PDE10A: variants seen among roughly 807,000 people sequenced by gnomAD.
The protein encoded by PDE10A is cAMP and cAMP-inhibited cGMP 3',5'-cyclic phosphodiesterase 10A.
Under a neutral mutation model 97.7 loss-of-function variants are expected in PDE10A, and 39 were observed. That is an observed-to-expected ratio of 0.40 (90% confidence interval 0.31 to 0.52). PDE10A has a LOEUF of 0.52. Ranked by LOEUF, PDE10A falls within the 20% of genes least tolerant of loss-of-function variation. The probability of loss-of-function intolerance (pLI) is 0.56; values close to 1 mark genes in which losing one functional copy is unlikely to be tolerated. For missense variants in PDE10A, 731 were observed against 1,047.8 expected (o/e 0.70, Z 4.17); for synonymous variants, 371 against 376.8 (o/e 0.98, Z 0.18).
At chr6:165,681,304 T>C (rs1790971285) in intron 1 of PDE10A, among the ~76,000 whole-genome samples, 1 of 152,240 alleles carries the variant, frequency 6.6e-6, no homozygotes, top group South Asian at 2.1e-4. Context: ...TAGTTTCGTA[T>C]GGCTATAGAA....
At chr6:165,636,190 G>C (rs1437862658) in intron 1 of PDE10A, among the ~76,000 whole-genome samples, 1 of 152,112 alleles carries the variant, frequency 6.6e-6, no homozygotes, top group East Asian at 1.9e-4. Flanking sequence ...CTATTCCTGG[G>C]TTAGGGTAAA....
intron 1 of PDE10A, among the ~76,000 whole-genome samples, chr6:165,811,579 G>C (rs1428551430): frequency 6.6e-6 from 1 of 152,104 alleles, no homozygotes; most frequent in Non-Finnish European, 1.5e-5. Context: ...TTCCCGTCTG[G>C]GTCCTGTTGG....
At chr6:165,927,853 T>C (rs1350654756) in intron 1 of PDE10A, among the ~76,000 whole-genome samples, 3 of 149,702 alleles carry the variant, frequency 2.0e-5, no homozygotes, top group South Asian at 2.1e-4. Flanking sequence ...TGCGCCACCA[T>C]GCCCAGCTAA....
At chr6:165,474,989 C>T (rs1562501455) in intron 3 of PDE10A, among the ~76,000 whole-genome samples, 1 of 152,164 alleles carries the variant, frequency 6.6e-6, no homozygotes, top group Non-Finnish European at 1.5e-5. Flanking sequence ...TTAAGCTCTA[C>T]ACATGCACCC....
chr6:165,607,214 C>T (rs931979203), intron 1 of PDE10A, among the ~76,000 whole-genome samples: 6 of 152,184 alleles, frequency 3.9e-5, no homozygotes, highest in Admixed American at 2.0e-4. Flanking sequence ...ACACACCCAA[C>T]GCCTTGAGTT....
At chr6:165,824,283 A>G (rs1389922) in intron 1 of PDE10A, among the ~76,000 whole-genome samples, 89,474 of 151,868 alleles carry the variant, frequency 0.59, 27,702 homozygotes, top group East Asian at 0.95. Context: ...AAATTATCAC[A>G]TTTAAATTTG....
intron 1 of PDE10A, among the ~76,000 whole-genome samples, chr6:165,570,024 G>A (rs1204275921): frequency 3.9e-5 from 6 of 152,102 alleles, no homozygotes. Context: ...ACTAAATTGT[G>A]TTCCTCCAAA....
chr6:165,568,207 G>C (rs1330867324), intron 1 of PDE10A, among the ~76,000 whole-genome samples: 2 of 151,908 alleles, frequency 1.3e-5, no homozygotes, highest in Non-Finnish European at 2.9e-5. Flanking sequence ...CACCATGTTA[G>C]ACACGATGGT....
chr6:165,538,030 G>T (rs1477255090), intron 2 of PDE10A, among the ~76,000 whole-genome samples: 4 of 151,708 alleles, frequency 2.6e-5, no homozygotes, highest in Non-Finnish European at 5.9e-5. Flanking sequence ...TCCTTCTTCC[G>T]TATATATACT....
intron 1 of PDE10A, chr6:165,775,785 A>T (rs1233402074): frequency 6.6e-6 from 1 of 152,250 alleles, no homozygotes; most frequent in Non-Finnish European, 1.5e-5. Flanking sequence ...AAAGCCAGTT[A>T]TTAAAGTACA....
At chr6:165,915,012 C>T (rs1038506222) in intron 1 of PDE10A, among the ~76,000 whole-genome samples, 3 of 152,222 alleles carry the variant, frequency 2.0e-5, no homozygotes, top group African/African-American at 4.8e-5. Context: ...GTCCCATGCA[C>T]ATTTTACTTC....
chr6:165,473,169 G>A (rs1685123583), intron 3 of PDE10A, among the ~76,000 whole-genome samples: 1 of 152,094 alleles, frequency 6.6e-6, no homozygotes, highest in African/African-American at 2.4e-5. Context: ...ATAAAATCAT[G>A]AAATGCTTAT....
chr6:165,876,305 A>G (rs1436556071), intron 1 of PDE10A, among the ~76,000 whole-genome samples: 2 of 152,248 alleles, frequency 1.3e-5, no homozygotes, highest in African/African-American at 4.8e-5. Context: ...ATGAAGAAAG[A>G]AAAGAAAATC....
In PDE10A at chr6:165,854,584, G is replaced by A. The variant is rs536561491; in HGVS notation, c.-615+132945C>T. ...CAGGGCGGCACAGAGGGAGCCCGGG[G>A]GTCCCCAGCTCTGGCCTCGCCGTCT... On this transcript the variant is annotated intron_variant, in intron 1 of 19. Coordinates refer to the PDE10A transcript ENST00000366882. Among the ~76,000 whole-genome samples, 19 of 152,304 alleles carry A rather than the reference G, an allele frequency of 1.2e-4. 1 individual carries two copies. The East Asian group carries it at 3.5e-3, about 28-fold the overall frequency.
chr6:165,467,954 C>T (rs1189247824), intron 3 of PDE10A, among the ~76,000 whole-genome samples: 2 of 152,210 alleles, frequency 1.3e-5, no homozygotes, highest in Non-Finnish European at 2.9e-5. Context: ...CCTTCAGCAA[C>T]CACAATGCTG....
chr6:165,371,445 AAC>A (rs1440231251), intron 18 of PDE10A, among the ~76,000 whole-genome samples: 1 of 152,110 alleles, frequency 6.6e-6, no homozygotes, highest in East Asian at 1.9e-4. Flanking sequence ...GAATACTACA[AAC>A]ACCTCTACGC....
At chr6:165,477,865 T>A (rs2128278125) in intron 3 of PDE10A, among the ~76,000 whole-genome samples, 1 of 152,244 alleles carries the variant, frequency 6.6e-6, no homozygotes, top group East Asian at 1.9e-4. Flanking sequence ...TGACAAACTT[T>A]TTGGTCTCCT....
rs117634881 is a variant in PDE10A at position 165,381,895 on chromosome 6, C to A, written c.2611-2529G>T. Among the ~76,000 whole-genome samples, 1,216 of 152,184 alleles carry A rather than the reference C, an allele frequency of 8.0e-3. 9 individuals are homozygous for A. The highest frequency in any genetic ancestry group is 0.031 in the Middle Eastern group (9 of 294). On this transcript the variant is annotated intron_variant, in intron 17 of 21. Transcript: ENST00000539869. ...GCAGACAAACAGTATCTTCTTTAAA[C>A]CTCCAACCTCACATTTGTTAACACA...
rs564848115 is a variant in PDE10A at position 165,460,964 on chromosome 6, C to T, written c.1024-10602G>A. Among the ~76,000 whole-genome samples the T allele has an allele frequency of 1.4e-4, 22 of 152,252 alleles. 1 individual carries two copies. The South Asian group carries it at 4.6e-3, about 32-fold the overall frequency. ...TTGATGGCGGCCGTTGTTAAGCCTC[C>T]AGAACCTATACCTTTAAAATGGTTA... On this transcript the variant is annotated intron_variant, in intron 3 of 21. Coordinates refer to ENST00000539869, the MANE Select transcript of PDE10A (RefSeq NM_001385079.1).
Sources: allele counts gnomAD v4.1 joint callset (sites outside exome capture counted in the v4.1 genomes callset), GRCh38; gene constraint gnomAD v4.1.1; transcripts MANE v1.5; gene names NCBI Gene and HGNC (gene_info 2026-07-23, HGNC 2026-07-21).